The following MGAT4C variants were observed in gnomAD, a reference collection of about 807,000 sequenced individuals.
The protein encoded by MGAT4C is MGAT4 family member C.
MGAT4C carries 19 observed loss-of-function variants against 40.1 expected under a neutral mutation model. The ratio of observed to expected loss-of-function variants is 0.47; its 90% confidence interval spans 0.33 to 0.70. The LOEUF (loss-of-function observed/expected upper bound fraction) is 0.70. Ranked by LOEUF, MGAT4C falls within the 30% of genes least tolerant of loss-of-function variation. The pLI is 0.02. For synonymous variants in MGAT4C, 181 were observed against 187.1 expected (o/e 0.97, Z 0.27); for missense variants, 491 against 563.2 (o/e 0.87, Z 1.30).
chr12:86,760,310 C>T (rs1477389364), intron 1 of MGAT4C, among the ~76,000 whole-genome samples: 1 of 151,888 alleles, frequency 6.6e-6, no homozygotes, highest in Admixed American at 6.6e-5. Flanking sequence ...TTAAAACTAT[C>T]AAATCACTAG....
intron 1 of MGAT4C, among the ~76,000 whole-genome samples, chr12:86,782,417 G>A (rs1434612189): frequency 6.6e-6 from 1 of 151,834 alleles, no homozygotes. Flanking sequence ...TCCTGACCTC[G>A]TGATCCTCCC....
chr12:86,588,741 A>G (rs1432016046), intron 2 of MGAT4C, among the ~76,000 whole-genome samples: 1 of 152,124 alleles, frequency 6.6e-6, no homozygotes, highest in Non-Finnish European at 1.5e-5. Context: ...ACTCAGGATT[A>G]AGAAACTCAC....
At chr12:86,421,370 T>G (rs556270386) in intron 3 of MGAT4C, among the ~76,000 whole-genome samples, 12 of 152,328 alleles carry the variant, frequency 7.9e-5, no homozygotes, top group Non-Finnish European at 1.3e-4. Flanking sequence ...ATTGATTGAT[T>G]GAACTGAAGC....
rs1884178473 is a variant in MGAT4C at position 85,978,575 on chromosome 12, C to T, written c.*714G>A. 6.6e-6 allele frequency: 1 copy of T among 151,464 alleles called. No homozygotes were observed. Among genetic ancestry groups the T allele is most frequent in the African/African-American group, 2.4e-5 (1 of 41,228 alleles). The allele number at this position is 151,464 out of a possible 1,614,324, so 9.4% of individuals were successfully genotyped here. On this transcript the variant is annotated 3_prime_UTR_variant, in exon 5 of 5. Transcript: ENST00000611864. Reference sequence around the variant, plus strand: ...TGTAACCTGAAAATATTGAGCTTAACTCTTCTTTTTTTTTTTCAAAAGGGA... The same window carrying T: ...TGTAACCTGAAAATATTGAGCTTAATTCTTCTTTTTTTTTTTCAAAAGGGA...
At chr12:86,197,270 C>G (rs1000129799) in intron 1 of MGAT4C, among the ~76,000 whole-genome samples, 1 of 152,116 alleles carries the variant, frequency 6.6e-6, no homozygotes, top group African/African-American at 2.4e-5. Flanking sequence ...TAAGTATTCT[C>G]TAAGATGAGA....
rs1342273605 is a variant in MGAT4C, at chr12:86,201,331, G to A, written c.-57+54908C>T. On this transcript the variant is annotated intron_variant, in intron 1 of 4. Coordinates refer to ENST00000611864, the MANE Select transcript of MGAT4C (RefSeq NM_001351288.2). ...GTGCATCTACTATAGACTACTAAGTGTAGACTTCCTACTCTGATCCATTGT... is the reference window on the plus strand; with the variant it reads ...GTGCATCTACTATAGACTACTAAGTATAGACTTCCTACTCTGATCCATTGT... Among the ~76,000 whole-genome samples the A allele has an allele frequency of 5.3e-5, 8 of 151,804 alleles. No homozygotes were observed. The East Asian group carries it at 1.4e-3, about 26-fold the overall frequency.
Position 85,979,976 on chromosome 12 carries a change from T to A in MGAT4C, c.750A>T (p.Val250=). The A allele has an allele frequency of 1.2e-6, 2 of 1,613,744 alleles. No individual in the cohort carries two copies. The highest frequency in any genetic ancestry group is 2.2e-5 in the South Asian group (2 of 91,084). ...AGCCAAGCTTAGAGAATTCAAGAGT[T>A]ACCCAGTAAGTTCCTTCTAGGGATG... ...VIASLEGTYW[V]TLEFSKLGYI... is the part of the protein sequence containing the mutation. The change falls in exon 5 of 5, where the codon GTA becomes GTT. Residue 250 remains valine, a synonymous_variant. Transcript: ENST00000611864.
At position 86,089,558 on chromosome 12, in the gene MGAT4C, A is replaced by G. The variant is rs576178008; in HGVS notation, c.-56-39835T>C. Among the ~76,000 whole-genome samples, 8 of 151,742 alleles carry G rather than the reference A, an allele frequency of 5.3e-5. No individual in the cohort carries two copies. In the East Asian group the frequency reaches 1.5e-3, roughly 29 times the overall value. On this transcript the variant is annotated intron_variant, in intron 1 of 4. Transcript: ENST00000611864. ...TTCTATTATGTTTATTGATTTAGCAATTTCTCTGTTTATTTCTAAAGTGTT... is the reference window on the plus strand; with the variant it reads ...TTCTATTATGTTTATTGATTTAGCAGTTTCTCTGTTTATTTCTAAAGTGTT...
intron 2 of MGAT4C, among the ~76,000 whole-genome samples, chr12:86,011,091 AAC>A (rs1888426770): frequency 6.6e-6 from 1 of 152,220 alleles, no homozygotes; most frequent in Admixed American, 6.5e-5. Flanking sequence ...AGCAACAGAA[AAC>A]ACACCAACAC....
At chr12:86,262,531 A>G (rs766732690) in intron 4 of MGAT4C, among the ~76,000 whole-genome samples, 7 of 152,006 alleles carry the variant, frequency 4.6e-5, no homozygotes, top group Non-Finnish European at 1.0e-4. Flanking sequence ...TGTTGCATTT[A>G]TCATTGCAAT....
chr12:86,402,334 A>T (rs1009546406), intron 3 of MGAT4C, among the ~76,000 whole-genome samples: 3 of 152,092 alleles, frequency 2.0e-5, no homozygotes, highest in Admixed American at 6.5e-5. Flanking sequence ...TTGAGGCAGG[A>T]TAATTACTTG....
chr12:86,386,198 GGGATTACA>G (rs1233172233), intron 3 of MGAT4C, among the ~76,000 whole-genome samples: 2 of 152,176 alleles, frequency 1.3e-5, no homozygotes, highest in African/African-American at 4.8e-5. Flanking sequence ...CCAAAGTGCT[GGGATTACA>G]GGTGTGAGCC....
intron 4 of MGAT4C, among the ~76,000 whole-genome samples, chr12:86,318,772 C>T (rs916395491): frequency 6.6e-6 from 1 of 152,084 alleles, no homozygotes; most frequent in African/African-American, 2.4e-5. Flanking sequence ...AACGGCACAT[C>T]TTTAAGTGGC....
At chr12:86,242,475 A>G (rs1951830450) in intron 1 of MGAT4C, among the ~76,000 whole-genome samples, 1 of 152,088 alleles carries the variant, frequency 6.6e-6, no homozygotes, top group South Asian at 2.1e-4. Flanking sequence ...ACCCTTAAAC[A>G]AGTATCTTTT....
chr12:86,054,031 G>A (rs1893149498), intron 1 of MGAT4C, among the ~76,000 whole-genome samples: 1 of 151,938 alleles, frequency 6.6e-6, no homozygotes, highest in Non-Finnish European at 1.5e-5. Context: ...AAAACAGTAT[G>A]ATAGTTTCTC....
At chr12:86,059,343 T>C (rs1011426000) in intron 1 of MGAT4C, among the ~76,000 whole-genome samples, 1 of 152,152 alleles carries the variant, frequency 6.6e-6, no homozygotes, top group African/African-American at 2.4e-5. Context: ...CACCCAGCCT[T>C]AACATGTCTT....
chr12:86,420,639 G>A (rs1466749932), intron 3 of MGAT4C, among the ~76,000 whole-genome samples: 1 of 151,780 alleles, frequency 6.6e-6, no homozygotes, highest in Non-Finnish European at 1.5e-5. Context: ...TTTGCTTTGA[G>A]ATGTATAACA....
rs565692428 is a variant in MGAT4C at position 86,505,087 on chromosome 12, AAGTATCTGCC to A, written c.-228-69832_-228-69823del. Among the ~76,000 whole-genome samples the A allele has an allele frequency of 6.6e-5, 10 of 152,308 alleles. No individual in the cohort carries two copies. In the South Asian group the frequency reaches 2.1e-3, roughly 32 times the overall value. On this transcript the variant is annotated intron_variant, in intron 2 of 7. Coordinates refer to the MGAT4C transcript ENST00000548651. ...TCACTGTGGTTCCTCACTATGGGTCAAGTATCTGCCAGTGATAACGCCTGGTTAAAAATGG... is the reference window on the plus strand; with the variant it reads ...TCACTGTGGTTCCTCACTATGGGTCAAGTGATAACGCCTGGTTAAAAATGG...
intron 3 of MGAT4C, among the ~76,000 whole-genome samples, chr12:86,337,934 G>A (rs1358403677): frequency 2.6e-5 from 4 of 152,162 alleles, no homozygotes; most frequent in African/African-American, 9.6e-5. Flanking sequence ...CCAATCAATC[G>A]AGTGGATGAC....
Sources: gnomAD v4.1 joint callset for allele counts (sites outside exome capture counted in the v4.1 genomes callset) on GRCh38, gnomAD v4.1.1 for gene constraint, MANE v1.5 for transcripts, NCBI Gene and HGNC (gene_info 2026-07-23, HGNC 2026-07-21) for gene names.